Variants in PRDM4 observed in about 807,000 individuals in gnomAD.
The protein encoded by PRDM4 is PR/SET domain 4.
A neutral mutation model predicts 62.3 loss-of-function variants in PRDM4; 38 were observed. The observed-to-expected ratio is 0.61, with a 90% confidence interval of 0.47 to 0.80. The LOEUF is 0.80. PRDM4 is among the 30% of genes least tolerant of loss of function. The pLI is 0.00. For missense variants in PRDM4, 858 were observed against 997.1 expected (o/e 0.86, Z 1.88); for synonymous variants, 339 against 348.2 (o/e 0.97, Z 0.30).
In PRDM4 at chr12:107,752,083, T is replaced by C. The variant is rs202090553; in HGVS notation, c.458A>G (p.Asn153Ser). The change falls in exon 5 of 12, where the codon AAT becomes AGT. Residue 153 changes from asparagine (N) to serine (S), a missense_variant. Around this residue, in one of 3 missense-constraint regions of PRDM4, gnomAD observed 499 missense variants for 546.7 expected, o/e 0.91. Transcript: ENST00000228437. ...NPSALDPYQS[N>S]GNVGLEPGIV... Reference sequence around the variant, plus strand: ...GCCTGGTTCTAATCCAACATTTCCATTGGACTGATAGGGATCTAGTGCTGA... The same window carrying C: ...GCCTGGTTCTAATCCAACATTTCCACTGGACTGATAGGGATCTAGTGCTGA... The C allele has an allele frequency of 2.6e-4, 426 of 1,613,650 alleles. 3 individuals carry two copies. Among genetic ancestry groups the C allele is most frequent in the Non-Finnish European group, 1.6e-4 (191 of 1,179,540 alleles).
At chr12:107,745,435 G>C (rs1334417650) in intron 6 of PRDM4, among the ~76,000 whole-genome samples, 1 of 151,962 alleles carries the variant, frequency 6.6e-6, no homozygotes, top group Non-Finnish European at 1.5e-5. Flanking sequence ...GGGCATGATT[G>C]CATATGCCTG....
rs1891235224 is a variant in PRDM4, at chr12:107,761,056, A to C, written c.-356T>G. On this transcript the variant is annotated 5_prime_UTR_variant, in exon 1 of 12. Coordinates refer to ENST00000228437, the MANE Select transcript of PRDM4 (RefSeq NM_012406.4). ...CCCTGCCCGTCCGCTCGGCCCCCTC[A>C]CCCCGGGGGCCGCTGCCCTAACGTT... The C allele has an allele frequency of 6.7e-6, 1 of 149,324 alleles. No homozygotes were observed. Among genetic ancestry groups the C allele is most frequent in the Non-Finnish European group, 1.5e-5 (1 of 67,330 alleles). The allele number at this position is 149,324 out of a possible 1,614,324, so 9.2% of individuals were successfully genotyped here. A position where few individuals can be genotyped will look rare whatever the true frequency, so the allele number is the denominator to read the frequency against.
chr12:107,755,966 G>A (rs1335403439), intron 3 of PRDM4, among the ~76,000 whole-genome samples: 1 of 152,144 alleles, frequency 6.6e-6, no homozygotes, highest in East Asian at 1.9e-4. Context: ...TGTGCCTGTA[G>A]TCTCAGCTAC....
At chr12:107,754,489 T>A (rs1377201511) in intron 3 of PRDM4, among the ~76,000 whole-genome samples, 4 of 152,060 alleles carry the variant, frequency 2.6e-5, no homozygotes, top group Non-Finnish European at 4.4e-5. Context: ...TTCAAGCAAT[T>A]CTCCTACCTC....
At chr12:107,760,927 C>G (rs1891229553) in intron 1 of PRDM4, 30 bp downstream of exon 1, 1 of 143,478 alleles carries the variant, frequency 7.0e-6, no homozygotes, top group Admixed American at 6.8e-5. Context: ...GCGCCCCGCC[C>G]CGCTCCGGCC....
At chr12:107,743,063 G>A in intron 8 of PRDM4, 134 bp downstream of exon 8, 1 of 701,460 alleles carries the variant, frequency 1.4e-6, no homozygotes, top group Non-Finnish European at 2.4e-6. Flanking sequence ...CACCATGCCT[G>A]GCTGCCTTGG....
Position 107,756,925 on chromosome 12 carries a change from G to C in PRDM4, c.52C>G (p.Leu18Val), listed in dbSNP as rs1317807910. ...MNLSPVGMEQ[L>V]TSSSVSNALP... is the part of the protein sequence containing the mutation. ...GCATTGCTCACAGAGGATGAAGTCA[G>C]CTGCTCCATCCCCACTGGACTCAGG... Residue 18 changes from leucine to valine, a missense_variant, in exon 3 of 12, where the codon CTG becomes GTG. Leu to Val is a conservative substitution (Grantham distance 32). Transcript: ENST00000228437. The C allele has an allele frequency of 6.2e-7, 1 of 1,614,136 alleles. No individual in the cohort carries two copies. The highest frequency in any genetic ancestry group is 1.7e-5 in the Admixed American group (1 of 60,032).
intron 10 of PRDM4, 133 bp from the exon 11 acceptor site, chr12:107,739,684 C>A: frequency 1.1e-6 from 1 of 871,960 alleles, no homozygotes; most frequent in Non-Finnish European, 1.7e-6. Context: ...ATTTTACTTT[C>A]TAGGGTTGTC....
intron 7 of PRDM4, 71 bp downstream of exon 7, chr12:107,744,472 T>C (rs539567679): frequency 2.6e-6 from 4 of 1,544,548 alleles, no homozygotes; most frequent in Non-Finnish European, 2.7e-6. Flanking sequence ...TTTGACTTTA[T>C]CATAACTTTT....
At chr12:107,734,993 T>C (rs1266855230) in intron 11 of PRDM4, among the ~76,000 whole-genome samples, 1 of 152,178 alleles carries the variant, frequency 6.6e-6, no homozygotes, top group Admixed American at 6.5e-5. Flanking sequence ...TTTAAATTTT[T>C]ATTATTATTT....
chr12:107,742,127 G>T, intron 9 of PRDM4, 94 bp downstream of exon 9: 1 of 1,325,784 alleles, frequency 7.5e-7, no homozygotes, highest in Non-Finnish European at 1.0e-6. Context: ...TATATGATTT[G>T]CTTCAGCTAA....
intron 6 of PRDM4, 114 bp from the exon 7 acceptor site, chr12:107,744,775 G>A: frequency 7.0e-7 from 1 of 1,424,238 alleles, no homozygotes; most frequent in Non-Finnish European, 9.4e-7. Flanking sequence ...TAACCAATAT[G>A]TAGGCTGGGC....
At position 107,740,865 on chromosome 12, in the gene PRDM4, T is replaced by G. The variant is rs547292825; in HGVS notation, c.1924+81A>C. 1.1e-5 allele frequency: 15 copies of G among 1,402,816 alleles called. No individual in the cohort carries two copies. The African/African-American group carries it at 1.9e-4, about 17-fold the overall frequency. 86.9% of individuals were successfully genotyped at this position (1,402,816 alleles called of 1,614,324 possible). A position where few individuals can be genotyped will look rare whatever the true frequency, so the allele number is the denominator to read the frequency against. ...TCTGACATCAAATCTCAACTCCACCTACAATCCCTCTACAAAGCCTTTACT... is the reference window on the plus strand; with the variant it reads ...TCTGACATCAAATCTCAACTCCACCGACAATCCCTCTACAAAGCCTTTACT... On this transcript the variant is annotated intron_variant, in intron 10 of 11. Coordinates refer to ENST00000228437, the MANE Select transcript of PRDM4 (RefSeq NM_012406.4).
At chr12:107,736,755 G>T (rs1302764788) in intron 11 of PRDM4, 2 of 152,280 alleles carry the variant, frequency 1.3e-5, no homozygotes, top group Non-Finnish European at 2.9e-5. Context: ...GTGGCAGGGA[G>T]ATCAACTGGG....
chr12:107,741,311 T>C, intron 9 of PRDM4, 51 bp from the exon 10 acceptor site: 1 of 1,487,770 alleles, frequency 6.7e-7, no homozygotes, highest in South Asian at 1.3e-5. Context: ...TCTTAAAACT[T>C]GTTCTTGATA....
intron 2 of PRDM4, 37 bp downstream of exon 2, chr12:107,760,468 C>A (rs1446581831): frequency 2.5e-6 from 4 of 1,611,766 alleles, no homozygotes; most frequent in Non-Finnish European, 3.4e-6. Context: ...GAGTTTCCAA[C>A]GATGTCACCA....
chr12:107,755,581 G>T (rs1593176508), intron 3 of PRDM4, among the ~76,000 whole-genome samples: 2 of 152,214 alleles, frequency 1.3e-5, no homozygotes, highest in East Asian at 3.9e-4. Flanking sequence ...TATTAATTAA[G>T]CAAGTAATTC....
At chr12:107,742,941 C>CT (rs1207177798) in intron 8 of PRDM4, among the ~76,000 whole-genome samples, 1 of 151,762 alleles carries the variant, frequency 6.6e-6, no homozygotes, top group Non-Finnish European at 1.5e-5. Flanking sequence ...TTGAAAAAAA[C>CT]TTTTTTTAGA....
Position 107,741,214 on chromosome 12 carries a change from C to G in PRDM4, c.1656G>C (p.Glu552Asp), listed in dbSNP as rs1052631597. The G allele has an allele frequency of 1.2e-6, 2 of 1,613,974 alleles. No homozygotes were observed. Among genetic ancestry groups the G allele is most frequent in the Admixed American group, 1.7e-5 (1 of 59,994 alleles). The change falls in exon 10 of 12, where the codon GAG (glutamate) becomes GAC (aspartate). Residue 552 changes from glutamate to aspartate, a missense_variant. By Grantham distance (45) the Glu-to-Asp change is conservative. Transcript: ENST00000228437. ...CTTTGAACTCTGTGTAAGAATTGCA[C>G]TCCTTGCCACAGTTACAGAGATGCA... is the stretch of plus-strand genomic sequence containing the variant. ...PDVHLCNCGK[E>D]CNSYTEFKAH...
Sources: allele counts gnomAD v4.1 joint callset (sites outside exome capture counted in the v4.1 genomes callset), GRCh38; gene constraint gnomAD v4.1.1; regional missense constraint gnomAD v4.1.1; transcripts MANE v1.5; gene names NCBI Gene and HGNC (gene_info 2026-07-23, HGNC 2026-07-21).